EXOSC7: variants seen among roughly 807,000 people sequenced by gnomAD.
EXOSC7 encodes exosome complex component RRP42.
EXOSC7 carries 25 observed loss-of-function variants against 34.3 expected under a neutral mutation model. That is an observed-to-expected ratio of 0.73 (90% CI 0.53 to 1.02). EXOSC7 has a LOEUF of 1.02. Ranked by LOEUF, EXOSC7 falls within the 50% of genes least tolerant of loss-of-function variation. EXOSC7 has a pLI of 0.00. For missense variants in EXOSC7, 370 were observed against 368.5 expected, an observed-to-expected ratio of 1.00 and a Z score of -0.03; for synonymous variants, 130 against 143.0, an observed-to-expected ratio of 0.91 and a Z score of 0.65.
At chr3:44,998,043 T>TG (rs1180550409) in intron 4 of EXOSC7, among the ~76,000 whole-genome samples, 35 of 150,946 alleles carry the variant, frequency 2.3e-4, no homozygotes, top group Non-Finnish European at 4.0e-4. Context: ...TTTTTTGTTT[T>TG]TTTTTTTTTT....
chr3:44,980,105 A>G (rs1706235650), intron 1 of EXOSC7, among the ~76,000 whole-genome samples: 1 of 151,790 alleles, frequency 6.6e-6, no homozygotes, highest in Admixed American at 6.6e-5. Flanking sequence ...AACATAAGTC[A>G]TAGTCTTCGA....
intron 3 of EXOSC7, among the ~76,000 whole-genome samples, chr3:44,993,306 C>T (rs900154446): frequency 3.3e-5 from 5 of 152,106 alleles, no homozygotes; most frequent in African/African-American, 1.2e-4. Flanking sequence ...GAGGAATCAG[C>T]CTTAGGGCCT....
intron 1 of EXOSC7, among the ~76,000 whole-genome samples, chr3:44,983,701 A>T (rs1429768711): frequency 1.3e-5 from 2 of 152,130 alleles, no homozygotes. Flanking sequence ...TTTAAAATGG[A>T]GCTTTTACTT....
At chr3:44,996,632 T>C (rs578025887) in intron 3 of EXOSC7, among the ~76,000 whole-genome samples, 9 of 152,206 alleles carry the variant, frequency 5.9e-5, no homozygotes, top group Non-Finnish European at 1.0e-4. Context: ...GAGAGTATCG[T>C]AGTGTGTTCT....
chr3:44,994,044 G>A (rs1706648125), intron 3 of EXOSC7, among the ~76,000 whole-genome samples: 1 of 152,160 alleles, frequency 6.6e-6, no homozygotes, highest in Non-Finnish European at 1.5e-5. Flanking sequence ...AAGCATAGAA[G>A]ATAAGGGCCA....
chr3:44,985,196 T>A (rs1371242679), intron 1 of EXOSC7, among the ~76,000 whole-genome samples: 2 of 152,206 alleles, frequency 1.3e-5, no homozygotes, highest in Non-Finnish European at 2.9e-5. Context: ...AGAGACACAG[T>A]TACATAGTTA....
At position 44,989,218 on chromosome 3, in the gene EXOSC7, A is replaced by G; in HGVS notation, c.136A>G (p.Ser46Gly). The change falls in exon 2 of 8, where the codon AGT becomes GGT. Residue 46 changes from serine (S) to glycine (G), a missense_variant. Physicochemically the swap from Ser to Gly is moderately conservative, Grantham distance 56 (BLOSUM62 0). Transcript: ENST00000265564. ...EVETDVVSNTSGSARVKLGHT... is the reference protein window; with the variant it reads ...EVETDVVSNTGGSARVKLGHT... The stretch of plus-strand genomic sequence containing the variant: ...GGAAACTGATGTGGTGTCCAACACT[A>G]GTGGGTCCGCCAGGGTCAAGCTGGT... 6.2e-7 allele frequency: 1 copy of G among 1,613,972 alleles called. No individual in the cohort carries two copies. Among genetic ancestry groups the G allele is most frequent in the Non-Finnish European group, 8.5e-7 (1 of 1,179,840 alleles).
At chr3:44,983,410 C>T (rs78308355) in intron 1 of EXOSC7, among the ~76,000 whole-genome samples, 16,586 of 152,212 alleles carry the variant, frequency 0.11, 917 homozygotes, top group South Asian at 0.16. Context: ...TCTGTAAGGT[C>T]GGGGTTATCC....
At chr3:44,993,322 G>A (rs879569014) in intron 3 of EXOSC7, among the ~76,000 whole-genome samples, 1 of 152,050 alleles carries the variant, frequency 6.6e-6, no homozygotes, top group Non-Finnish European at 1.5e-5. Flanking sequence ...GGCCTGTGTT[G>A]GGGCTAGATG....
rs1178563858 is a variant in EXOSC7, at chr3:44,989,151, T to C, written c.69T>C (p.Arg23=). The C allele has an allele frequency of 1.2e-6, 2 of 1,613,884 alleles. No individual in the cohort carries two copies. Among genetic ancestry groups the C allele is most frequent in the Non-Finnish European group, 1.7e-6 (2 of 1,179,816 alleles). ...YIVHGVQEDL[R]VDGRGCEDYR... The stretch of plus-strand genomic sequence containing the variant: ...TTGTTAACACCTAGGAAGACCTCCG[T>C]GTGGATGGCCGTGGCTGTGAGGACT... The change falls in exon 2 of 8, where the codon CGT becomes CGC. Residue 23 remains arginine (R), a synonymous_variant. Transcript: ENST00000265564.
At chr3:45,002,406 A>C (rs2125971073) in intron 5 of EXOSC7, among the ~76,000 whole-genome samples, 1 of 152,222 alleles carries the variant, frequency 6.6e-6, no homozygotes, top group East Asian at 1.9e-4. Flanking sequence ...TGTTCATCAC[A>C]TCCTAGAATA....
At chr3:45,001,485 A>C (rs1447657857) in intron 4 of EXOSC7, 53 bp from the exon 5 acceptor site, 9 of 1,360,172 alleles carry the variant, frequency 6.6e-6, no homozygotes, top group Non-Finnish European at 9.5e-6. Flanking sequence ...TAATACCTAA[A>C]GTAATAAGTG....
At position 44,989,576 on chromosome 3, in the gene EXOSC7, G is replaced by A; in HGVS notation, c.186G>A (p.Val62=). 6.2e-7 allele frequency: 1 copy of A among 1,614,110 alleles called. No homozygotes were observed. Among genetic ancestry groups the A allele is most frequent in the Non-Finnish European group, 8.5e-7 (1 of 1,179,994 alleles). The change falls in exon 3 of 8, where the codon GTG becomes GTA. Residue 62 remains valine (V), a synonymous_variant. Coordinates refer to ENST00000265564, the MANE Select transcript of EXOSC7 (RefSeq NM_015004.4). ...GTCACACAGACATCTTGGTGGGAGT[G>A]AAAGCAGAAATGGGGACGCCGAAGC... The part of the protein sequence containing the change: ...KLGHTDILVG[V]KAEMGTPKLE...
intron 4 of EXOSC7, among the ~76,000 whole-genome samples, chr3:44,998,648 T>C (rs148608322): frequency 1.3e-5 from 2 of 152,328 alleles, no homozygotes; most frequent in Non-Finnish European, 2.9e-5. Flanking sequence ...AAAATTAATT[T>C]GATATTGGAT....
At chr3:44,989,931 A>C (rs1397590895) in intron 3 of EXOSC7, among the ~76,000 whole-genome samples, 1 of 152,190 alleles carries the variant, frequency 6.6e-6, no homozygotes, top group Admixed American at 6.5e-5. Flanking sequence ...GGGTCAAATG[A>C]AATGATTGTG....
chr3:45,000,262 A>G (rs780402823), intron 4 of EXOSC7, among the ~76,000 whole-genome samples: 50 of 152,218 alleles, frequency 3.3e-4, no homozygotes, highest in Non-Finnish European at 6.3e-4. Flanking sequence ...TCTTTCACAA[A>G]TAATCACTAA....
rs1273953654 is a variant in EXOSC7 at position 45,005,338 on chromosome 3, T to C, written c.539T>C (p.Ile180Thr). ...VLEDEEGSKDIELSDDPYDCI... is the reference protein window; with the variant it reads ...VLEDEEGSKDTELSDDPYDCI... ...GAGGATGAAGAGGGGTCGAAGGACA[T>C]TGAATTGTCAGATGACCCTTATGAC... The change falls in exon 6 of 8, where the codon ATT (isoleucine) becomes ACT (threonine). Residue 180 changes from isoleucine (I) to threonine (T), a missense_variant. By Grantham distance (89) the Ile-to-Thr change is moderately conservative. Transcript: ENST00000265564. 3.1e-6 allele frequency: 5 copies of C among 1,614,122 alleles called. No homozygotes were observed. Among genetic ancestry groups the C allele is most frequent in the Non-Finnish European group, 4.2e-6 (5 of 1,179,944 alleles).
rs1488866923 is a variant in EXOSC7 at position 44,997,216 on chromosome 3, T to G, written c.384T>G (p.Pro128=). 15 of 1,613,908 alleles carry G rather than the reference T, an allele frequency of 9.3e-6. No individual in the cohort carries two copies. Among genetic ancestry groups the G allele is most frequent in the African/African-American group, 1.3e-5 (1 of 74,890 alleles). Reference sequence around the variant, plus strand: ...ACTTAAAGACCCTCTGCATTAGTCCTCGGGAGCACTGCTGGGTTCTCTATG... The same window carrying G: ...ACTTAAAGACCCTCTGCATTAGTCCGCGGGAGCACTGCTGGGTTCTCTATG... ...SVDLKTLCIS[P]REHCWVLYVD... is the part of the protein sequence containing the mutation. Residue 128 remains proline (P), a synonymous_variant, in exon 4 of 8, where the codon CCT becomes CCG. Coordinates refer to ENST00000265564, the MANE Select transcript of EXOSC7 (RefSeq NM_015004.4).
chr3:45,006,285 C>T (rs1457823114), intron 6 of EXOSC7, among the ~76,000 whole-genome samples: 6 of 151,172 alleles, frequency 4.0e-5, no homozygotes, highest in Non-Finnish European at 5.9e-5. Context: ...ACCATGTTGG[C>T]CAGGCTGGTC....
Sources: allele counts gnomAD v4.1 joint callset (sites outside exome capture counted in the v4.1 genomes callset), GRCh38; gene constraint gnomAD v4.1.1; transcripts MANE v1.5; gene names NCBI Gene and HGNC (gene_info 2026-07-23, HGNC 2026-07-21).